TRIM5: variants seen among roughly 807,000 people sequenced by gnomAD.
TRIM5 encodes tripartite motif containing 5, also known as tripartite motif-containing protein 5.
TRIM5 carries 31 observed loss-of-function variants against 35.6 expected under a neutral mutation model. That is an observed-to-expected ratio of 0.87 (90% CI 0.65 to 1.18). The LOEUF (loss-of-function observed/expected upper bound fraction) is 1.18. Ranked by LOEUF, TRIM5 falls within the 50% of genes most tolerant of loss-of-function variation. The probability of loss-of-function intolerance (pLI) is 0.00; values close to 1 mark genes in which losing one functional copy is unlikely to be tolerated. For missense variants in TRIM5, 609 were observed against 591.6 expected, an observed-to-expected ratio of 1.03 and a Z score of -0.31; for synonymous variants, 243 against 215.6, an observed-to-expected ratio of 1.13 and a Z score of -1.11.
the TRIM5 span, among the ~76,000 whole-genome samples, chr11:5,651,663 A>G: frequency 0.14 from 21,497 of 152,114 alleles, 2,033 homozygotes; most frequent in East Asian, 0.43. Context: ...ATACCCAGTA[A>G]TGGGATTGCT....
chr11:5,602,920 T>C, the TRIM5 span, among the ~76,000 whole-genome samples: 4 of 151,928 alleles, frequency 2.6e-5, no homozygotes, highest in South Asian at 4.1e-4. Context: ...TACCACTGCA[T>C]TCCAGCCTGG....
chr11:5,645,878 A>ATAT, the TRIM5 span: 174 of 149,366 alleles, frequency 1.2e-3, no homozygotes, highest in Non-Finnish European at 1.7e-3. Context: ...AAAAAAAAAA[A>ATAT]AAATATATAT....
chr11:5,651,628 G>C, the TRIM5 span, among the ~76,000 whole-genome samples: 1 of 152,144 alleles, frequency 6.6e-6, no homozygotes, highest in African/African-American at 2.4e-5. Flanking sequence ...CTTTATGGTA[G>C]AATGATTTAT....
chr11:5,634,611 T>C, the TRIM5 span: 1 of 1,603,004 alleles, frequency 6.2e-7, no homozygotes, highest in Non-Finnish European at 8.5e-7. Flanking sequence ...ACTACAACTC[T>C]CTCTTGTCCA....
the TRIM5 span, among the ~76,000 whole-genome samples, chr11:5,599,393 A>ATTT: frequency 4.0e-5 from 6 of 150,490 alleles, no homozygotes; most frequent in Non-Finnish European, 5.9e-5. Context: ...ATATTTATTT[A>ATTT]TTTATTTATT....
At chr11:5,610,101 C>G in the TRIM5 span, 1 of 1,608,622 alleles carries the variant, frequency 6.2e-7, no homozygotes. Context: ...GTGGAGGAAC[C>G]CACAGTCAGC....
At chr11:5,609,661 A>G in the TRIM5 span, among the ~76,000 whole-genome samples, 3 of 152,186 alleles carry the variant, frequency 2.0e-5, no homozygotes, top group Admixed American at 6.5e-5. Context: ...AGTGACTCAC[A>G]CCTGTAATCC....
At chr11:5,606,142 C>G in the TRIM5 span, among the ~76,000 whole-genome samples, 1 of 152,354 alleles carries the variant, frequency 6.6e-6, no homozygotes, top group East Asian at 1.9e-4. Context: ...GTCACAGGCA[C>G]ACTTACGCCA....
intron 4 of TRIM5, among the ~76,000 whole-genome samples, chr11:5,670,808 C>T (rs1851533410): frequency 6.6e-6 from 1 of 152,128 alleles, no homozygotes; most frequent in Non-Finnish European, 1.5e-5. Flanking sequence ...GGATCCTACA[C>T]TTAAAAATTA....
the TRIM5 span, among the ~76,000 whole-genome samples, chr11:5,639,678 T>TGAAAAAAAA: frequency 6.0e-5 from 1 of 16,736 alleles, no homozygotes; most frequent in African/African-American, 1.2e-4. Context: ...AGACTCTATT[T>TGAAAAAAAA]CAAAAAAAAA....
the TRIM5 span, chr11:5,633,783 A>G: frequency 5.0e-6 from 8 of 1,609,250 alleles, no homozygotes; most frequent in African/African-American, 1.3e-5. Flanking sequence ...GCTTGACTGT[A>G]GTGTGATTCC....
the TRIM5 span, chr11:5,603,218 T>C: frequency 2.5e-6 from 4 of 1,600,460 alleles, no homozygotes; most frequent in Non-Finnish European, 3.4e-6. Flanking sequence ...CTTACCCTGA[T>C]CCTTTTTTTG....
the TRIM5 span, among the ~76,000 whole-genome samples, chr11:5,607,573 A>G: frequency 6.6e-6 from 1 of 152,258 alleles, no homozygotes; most frequent in African/African-American, 2.4e-5. Flanking sequence ...CCAATTCCAC[A>G]GAAATGAGAC....
the TRIM5 span, among the ~76,000 whole-genome samples, chr11:5,657,514 A>G: frequency 1.5e-5 from 2 of 137,674 alleles, no homozygotes; most frequent in Non-Finnish European, 1.5e-5. Context: ...TATATTATAT[A>G]TAATGCATTA....
the TRIM5 span, among the ~76,000 whole-genome samples, chr11:5,609,321 G>A: frequency 1.3e-5 from 2 of 152,032 alleles, no homozygotes; most frequent in Non-Finnish European, 1.5e-5. Flanking sequence ...TCCCAGAGAC[G>A]GCAAATCCTA....
At chr11:5,682,176 G>A (rs1852520871) in intron 1 of TRIM5, among the ~76,000 whole-genome samples, 1 of 152,170 alleles carries the variant, frequency 6.6e-6, no homozygotes, top group South Asian at 2.1e-4. Context: ...GGCCAAGGCA[G>A]GCGGATCACC....
At chr11:5,668,208 G>A (rs1453922447) in intron 4 of TRIM5, among the ~76,000 whole-genome samples, 1 of 152,124 alleles carries the variant, frequency 6.6e-6, no homozygotes, top group African/African-American at 2.4e-5. Flanking sequence ...AAGTTTGACT[G>A]AGGCTGCACT....
chr11:5,611,838 G>A, the TRIM5 span: 1 of 153,796 alleles, frequency 6.5e-6, no homozygotes, highest in Non-Finnish European at 1.4e-5. Context: ...AGGTCTTGAG[G>A]TGGATAGGGG....
chr11:5,599,645 C>T, the TRIM5 span, among the ~76,000 whole-genome samples: 11 of 152,116 alleles, frequency 7.2e-5, no homozygotes, highest in African/African-American at 1.9e-4. Context: ...CCTTGTGATC[C>T]GCCTGCCTCA....
Sources: allele counts gnomAD v4.1 joint callset (sites outside exome capture counted in the v4.1 genomes callset), GRCh38; gene constraint gnomAD v4.1.1; transcripts MANE v1.5; gene names NCBI Gene and HGNC (gene_info 2026-07-23, HGNC 2026-07-21).